Variants in CKLF observed in about 807,000 individuals in gnomAD.
CKLF encodes chemokine like factor.
CKLF carries 16 observed loss-of-function variants against 12.9 expected under a neutral mutation model. The ratio of observed to expected loss-of-function variants is 1.24; its 90% confidence interval spans 0.84 to 1.88. The LOEUF is 1.88. Among genes scored for constraint, CKLF ranks in the 40% most tolerant of loss-of-function variants. CKLF has a pLI of 0.00. For synonymous variants in CKLF, 61 were observed against 69.0 expected (o/e 0.88, Z 0.57); for missense variants, 172 against 188.5 (o/e 0.91, Z 0.51).
intron 2 of CKLF, among the ~76,000 whole-genome samples, chr16:66,560,925 AG>A (rs1450559048): frequency 2.0e-5 from 3 of 152,056 alleles, no homozygotes; most frequent in Non-Finnish European, 4.4e-5. Flanking sequence ...AGGACTGAGC[AG>A]GCAAGGAAAG....
chr16:66,565,472 GT>G, intron 3 of CKLF: 1 of 177,668 alleles, frequency 5.6e-6, no homozygotes, highest in Non-Finnish European at 1.2e-5. Flanking sequence ...TTGAGCTGGT[GT>G]TAACTTTGAC....
chr16:66,563,196 A>C lies in CKLF; in HGVS notation c.312A>C (p.Thr104=). 1 of 1,614,148 alleles carries C rather than the reference A, an allele frequency of 6.2e-7. No individual in the cohort carries two copies. Among genetic ancestry groups the C allele is most frequent in the African/African-American group, 1.3e-5 (1 of 75,040 alleles). ...VSVLALIPET[T]TLTVGGGVFA... ...TGTTGGCACTGATACCAGAAACCAC[A>C]ACATTGACAGTTGGTGGAGGGGTAA... The change falls in exon 3 of 4, where the codon ACA becomes ACC. Residue 104 remains threonine (T), a synonymous_variant. Coordinates refer to ENST00000264001, the MANE Select transcript of CKLF (RefSeq NM_016951.4).
At chr16:66,562,926 C>T (rs936574418) in intron 2 of CKLF, 196 bp from the exon 3 acceptor site, 14 of 628,008 alleles carry the variant, frequency 2.2e-5, no homozygotes, top group East Asian at 2.2e-4. Flanking sequence ...TTCACCATGT[C>T]GGCCAGGCTG....
intron 1 of CKLF, among the ~76,000 whole-genome samples, chr16:66,553,107 C>T (rs1248026332): frequency 1.3e-5 from 2 of 152,152 alleles, no homozygotes; most frequent in Non-Finnish European, 1.5e-5. Flanking sequence ...CTGCAGTGAA[C>T]GTTGATCGCA....
chr16:66,562,826 T>G (rs540931087), intron 2 of CKLF, among the ~76,000 whole-genome samples: 4 of 152,276 alleles, frequency 2.6e-5, no homozygotes, highest in African/African-American at 9.6e-5. Flanking sequence ...GTTCAAGCAA[T>G]TTTTGTGCCT....
intron 2 of CKLF, among the ~76,000 whole-genome samples, chr16:66,561,994 C>T (rs1056429259): frequency 1.3e-5 from 2 of 152,152 alleles, no homozygotes; most frequent in African/African-American, 4.8e-5. Flanking sequence ...GCAATAATAA[C>T]ATAATTGGTC....
intron 2 of CKLF, among the ~76,000 whole-genome samples, chr16:66,561,777 C>T (rs2011741540): frequency 1.3e-5 from 2 of 152,150 alleles, no homozygotes; most frequent in African/African-American, 4.8e-5. Flanking sequence ...TCTAAATTAC[C>T]AGGGTTTTGC....
chr16:66,559,441 G>A (rs1241487877), intron 2 of CKLF, among the ~76,000 whole-genome samples: 1 of 152,188 alleles, frequency 6.6e-6, no homozygotes, highest in Non-Finnish European at 1.5e-5. Context: ...GGGAGGTCTA[G>A]GAGAAGAGAT....
In CKLF at chr16:66,558,303, A is replaced by T. The variant is rs1178328691; in HGVS notation, c.192A>T (p.Val64=). ...TCTTATTTTTCATACTTTTATATGT[A>T]CTCAGACTTGATCGATTAATGAAGT... ...TVILFFILLY[V]LRLDRLMKWL... is the part of the protein sequence containing the mutation. Residue 64 remains valine (V), a synonymous_variant, in exon 2 of 4, where the codon GTA becomes GTT. Transcript: ENST00000264001. 17 of 1,612,276 alleles carry T rather than the reference A, an allele frequency of 1.1e-5. No homozygotes were observed. The highest frequency in any genetic ancestry group is 1.4e-5 in the Non-Finnish European group (17 of 1,179,674).
At chr16:66,552,941 A>G (rs1965863950) in intron 1 of CKLF, 148 bp downstream of exon 1, 12 of 1,112,106 alleles carry the variant, frequency 1.1e-5, no homozygotes, top group African/African-American at 1.5e-5. Flanking sequence ...CTTGGGGAAG[A>G]AGGAGAGAGA....
At chr16:66,559,200 C>G (rs1281529094) in intron 2 of CKLF, among the ~76,000 whole-genome samples, 1 of 152,202 alleles carries the variant, frequency 6.6e-6, no homozygotes, top group East Asian at 1.9e-4. Flanking sequence ...GTGCTAATAT[C>G]CAAGCTGATA....
chr16:66,563,042 G>GT (rs769291628), intron 2 of CKLF, 80 bp from the exon 3 acceptor site: 35 of 1,545,494 alleles, frequency 2.3e-5, no homozygotes, highest in Non-Finnish European at 2.7e-5. Context: ...TGTTGTTGTT[G>GT]TTTTTTTGTT....
chr16:66,562,107 C>T (rs1407429637), intron 2 of CKLF, among the ~76,000 whole-genome samples: 3 of 147,808 alleles, frequency 2.0e-5, no homozygotes, highest in South Asian at 2.1e-4. Context: ...TTTTTTGAGA[C>T]GGAGTAAAAA....
At chr16:66,561,536 C>A (rs1216650374) in intron 2 of CKLF, among the ~76,000 whole-genome samples, 3 of 152,100 alleles carry the variant, frequency 2.0e-5, no homozygotes, top group Admixed American at 6.6e-5. Flanking sequence ...TGATCCAAAG[C>A]CATCTATAAA....
At chr16:66,554,133 C>G (rs1209873742) in intron 1 of CKLF, among the ~76,000 whole-genome samples, 3 of 152,180 alleles carry the variant, frequency 2.0e-5, no homozygotes, top group Non-Finnish European at 4.4e-5. Flanking sequence ...TCTCAACAAA[C>G]CATTTGAATA....
chr16:66,562,179 G>A (rs1177139244), intron 2 of CKLF, among the ~76,000 whole-genome samples: 2 of 152,012 alleles, frequency 1.3e-5, no homozygotes, highest in East Asian at 3.9e-4. Context: ...CCGTCTCCTG[G>A]CTTCAAGCAA....
Position 66,563,115 on chromosome 16 carries a change from T to C in CKLF, c.238-7T>C. 6.2e-7 allele frequency: 1 copy of C among 1,614,060 alleles called. No homozygotes were observed. The highest frequency in any genetic ancestry group is 8.5e-7 in the Non-Finnish European group (1 of 1,179,996). On this transcript the variant is annotated splice_polypyrimidine_tract_variant and splice_region_variant and intron_variant, in intron 2 of 3. Coordinates refer to ENST00000264001, the MANE Select transcript of CKLF (RefSeq NM_016951.4). The stretch of plus-strand genomic sequence containing the variant: ...ATGTAAGGCTCAGCTTTATTGTGTG[T>C]TTTTAGGATATTATCAACTCACTGG...
chr16:66,562,383 T>G (rs2011793090), intron 2 of CKLF, among the ~76,000 whole-genome samples: 1 of 152,234 alleles, frequency 6.6e-6, no homozygotes, highest in African/African-American at 2.4e-5. Flanking sequence ...TAAAGTTTGA[T>G]ATACAATGTA....
intron 1 of CKLF, among the ~76,000 whole-genome samples, chr16:66,555,815 A>T (rs989518072): frequency 2.0e-5 from 3 of 152,192 alleles, no homozygotes; most frequent in Non-Finnish European, 2.9e-5. Context: ...AGTTGTAAGG[A>T]TGAAGAGGAG....
Sources: gnomAD v4.1 joint callset for allele counts (sites outside exome capture counted in the v4.1 genomes callset) on GRCh38, gnomAD v4.1.1 for gene constraint, MANE v1.5 for transcripts, NCBI Gene and HGNC (gene_info 2026-07-23, HGNC 2026-07-21) for gene names.